SGCZ: variants seen among roughly 807,000 people sequenced by gnomAD.
SGCZ encodes the protein zeta-sarcoglycan.
In SGCZ, 40 loss-of-function variants were observed where a neutral mutation model predicts 41.3. The observed-to-expected ratio is 0.97, with a 90% confidence interval of 0.75 to 1.26. The LOEUF (loss-of-function observed/expected upper bound fraction) is 1.26, where lower values mean the gene tolerates loss of function less well. Among genes scored for constraint, SGCZ ranks in the 50% most tolerant of loss-of-function variants. The pLI is 0.00. For missense variants in SGCZ, 552 were observed against 369.8 expected (o/e 1.49, Z -4.04); for synonymous variants, 206 against 137.5 (o/e 1.50, Z -3.49).
intron 1 of SGCZ, among the ~76,000 whole-genome samples, chr8:14,763,368 C>CA (rs1799947804): frequency 1.3e-5 from 2 of 152,182 alleles, no homozygotes; most frequent in Admixed American, 1.3e-4. Context: ...CCACAGAGTC[C>CA]AAAATCTCTC....
At chr8:14,618,870 T>A (rs540920420) in intron 1 of SGCZ, among the ~76,000 whole-genome samples, 48 of 152,176 alleles carry the variant, frequency 3.2e-4, no homozygotes, top group African/African-American at 1.1e-3. Flanking sequence ...ATAACACCAA[T>A]ATTTGGCCTA....
chr8:15,220,730 A>G (rs915599218), intron 1 of SGCZ, among the ~76,000 whole-genome samples: 4 of 152,188 alleles, frequency 2.6e-5, no homozygotes, highest in Admixed American at 2.6e-4. Flanking sequence ...TTATTGCAGC[A>G]CTATTTACAA....
intron 1 of SGCZ, among the ~76,000 whole-genome samples, chr8:14,737,089 A>T (rs1448866738): frequency 6.9e-6 from 1 of 144,356 alleles, no homozygotes; most frequent in Non-Finnish European, 1.5e-5. Flanking sequence ...TATATAAGAT[A>T]TATATCTATA....
intron 1 of SGCZ, among the ~76,000 whole-genome samples, chr8:15,178,507 G>C (rs1800066237): frequency 6.6e-6 from 1 of 152,126 alleles, no homozygotes. Context: ...AATTAGATAA[G>C]CTGACTTTCT....
chr8:14,874,167 G>A (rs1804264097), intron 1 of SGCZ, among the ~76,000 whole-genome samples: 1 of 152,112 alleles, frequency 6.6e-6, no homozygotes, highest in Non-Finnish European at 1.5e-5. Context: ...TAGTTATAAA[G>A]AAAAGTATGC....
intron 1 of SGCZ, among the ~76,000 whole-genome samples, chr8:14,763,830 A>G (rs540652695): frequency 3.3e-5 from 5 of 152,366 alleles, no homozygotes; most frequent in South Asian, 2.1e-4. Context: ...TTTGTATATT[A>G]TAAGTGAATA....
intron 2 of SGCZ, among the ~76,000 whole-genome samples, chr8:14,430,120 A>T (rs1168734407): frequency 1.3e-5 from 2 of 151,832 alleles, no homozygotes; most frequent in East Asian, 3.9e-4. Context: ...CAAGACATTC[A>T]AAGAATTGAT....
chr8:14,956,730 G>C (rs1174043177), intron 1 of SGCZ, among the ~76,000 whole-genome samples: 1 of 152,060 alleles, frequency 6.6e-6, no homozygotes, highest in Non-Finnish European at 1.5e-5. Context: ...TTCCTTGATG[G>C]TCAGATTTGT....
intron 3 of SGCZ, among the ~76,000 whole-genome samples, chr8:14,259,317 A>C (rs1799570324): frequency 6.6e-6 from 1 of 152,130 alleles, no homozygotes; most frequent in Admixed American, 6.6e-5. Context: ...TAGTTTAATT[A>C]GATCCCATTT....
intron 1 of SGCZ, among the ~76,000 whole-genome samples, chr8:15,167,690 T>C (rs77321635): frequency 2.7e-4 from 37 of 135,464 alleles, no homozygotes; most frequent in African/African-American, 9.0e-4. Context: ...TAAAAAAAAA[T>C]ACGGTCTAGA....
intron 2 of SGCZ, among the ~76,000 whole-genome samples, chr8:14,411,295 C>T (rs28739301): frequency 0.24 from 36,638 of 151,986 alleles, 4,594 homozygotes; most frequent in Non-Finnish European, 0.29. Flanking sequence ...AAACAAAAAA[C>T]GTAAAAGTTT....
chr8:14,572,502 G>A (rs867148789), intron 1 of SGCZ, among the ~76,000 whole-genome samples: 2 of 137,418 alleles, frequency 1.5e-5, no homozygotes, highest in Admixed American at 1.4e-4. Flanking sequence ...AACCCAGAGA[G>A]GGAAGTTTAT....
chr8:14,092,715 G>C (rs889729032), intron 7 of SGCZ, among the ~76,000 whole-genome samples: 1 of 151,984 alleles, frequency 6.6e-6, no homozygotes, highest in African/African-American at 2.4e-5. Flanking sequence ...CATAAGATGC[G>C]CCTTTTGCCT....
intron 3 of SGCZ, among the ~76,000 whole-genome samples, chr8:14,308,086 G>C (rs1380902041): frequency 6.6e-6 from 1 of 152,014 alleles, no homozygotes; most frequent in Non-Finnish European, 1.5e-5. Flanking sequence ...TATTCATTTT[G>C]TCAAAAATGA....
rs1801615266 is a variant in SGCZ at position 14,089,255 on chromosome 8, A to G, written c.*1188T>C. Among the ~76,000 whole-genome samples the G allele has an allele frequency of 1.3e-5, 2 of 152,018 alleles. No individual in the cohort carries two copies. The highest frequency in any genetic ancestry group is 4.1e-4 in the South Asian group (2 of 4,832). On this transcript the variant is annotated 3_prime_UTR_variant, in exon 8 of 8. Coordinates refer to ENST00000382080, the MANE Select transcript of SGCZ (RefSeq NM_139167.4). The stretch of plus-strand genomic sequence containing the variant: ...ATGTTAACAGCTGAATAGAAATGGG[A>G]CTAAATTCCCTAAAATATGAATGTA...
chr8:14,295,576 G>C (rs149660179), intron 3 of SGCZ, among the ~76,000 whole-genome samples: 1 of 152,126 alleles, frequency 6.6e-6, no homozygotes, highest in East Asian at 1.9e-4. Context: ...AAGTAGTGCA[G>C]GATTCAACCA....
At chr8:14,237,916 T>C (rs1312910254) in intron 3 of SGCZ, among the ~76,000 whole-genome samples, 1 of 152,214 alleles carries the variant, frequency 6.6e-6, no homozygotes, top group East Asian at 1.9e-4. Flanking sequence ...ATGCAAGCAT[T>C]TCCAACCCTA....
chr8:14,177,873 G>A (rs1804594986), intron 4 of SGCZ, among the ~76,000 whole-genome samples: 1 of 150,654 alleles, frequency 6.6e-6, no homozygotes, highest in Non-Finnish European at 1.5e-5. Context: ...TAAACTACTG[G>A]TCTTGAGATA....
chr8:14,741,053 G>A (rs2244220), intron 1 of SGCZ, among the ~76,000 whole-genome samples: 70,086 of 151,876 alleles, frequency 0.46, 16,854 homozygotes, highest in Non-Finnish European at 0.54. Flanking sequence ...TCAAAAGCAG[G>A]TGAGGGAACA....
Sources: gnomAD v4.1 joint callset for allele counts (sites outside exome capture counted in the v4.1 genomes callset) on GRCh38, gnomAD v4.1.1 for gene constraint, MANE v1.5 for transcripts, NCBI Gene and HGNC (gene_info 2026-07-23, HGNC 2026-07-21) for gene names.